The following CDK5RAP2 variants were observed in gnomAD, a reference collection of about 807,000 sequenced individuals.
The protein encoded by CDK5RAP2 is CDK5 regulatory subunit-associated protein 2.
In CDK5RAP2, 147 loss-of-function variants were observed where a neutral mutation model predicts 232.9. The observed-to-expected ratio is 0.63, with a 90% CI of 0.55 to 0.72. CDK5RAP2 has a LOEUF of 0.72. Ranked by LOEUF, CDK5RAP2 falls within the 30% of genes least tolerant of loss-of-function variation. The pLI is 0.00. For missense variants in CDK5RAP2, 2,195 were observed against 2,231.5 expected, an observed-to-expected ratio of 0.98 and a Z score of 0.33; for synonymous variants, 833 against 833.7, an observed-to-expected ratio of 1.00 and a Z score of 0.01.
intron 3 of CDK5RAP2, among the ~76,000 whole-genome samples, chr9:120,553,478 T>A (rs2042118222): frequency 6.6e-6 from 1 of 152,202 alleles, no homozygotes. Flanking sequence ...TCTGCCTTTG[T>A]GGGAAAAAAA....
chr9:120,443,322 G>T (rs1053784091), intron 23 of CDK5RAP2, among the ~76,000 whole-genome samples: 1 of 152,296 alleles, frequency 6.6e-6, no homozygotes, highest in South Asian at 2.1e-4. Flanking sequence ...CTAAGAGCAG[G>T]CTGTGTCTTT....
At position 120,389,172 on chromosome 9, in the gene CDK5RAP2, T is replaced by A. The variant is rs1027057304; in HGVS notation, c.*64A>T. On this transcript the variant is annotated 3_prime_UTR_variant, in exon 38 of 38. Transcript: ENST00000349780. ...TTCCTCAATAAATAGGAACCACACT[T>A]GGAACAAAGAGACAGCGTGAGCTCG... 7.4e-7 allele frequency: 1 copy of A among 1,343,882 alleles called. No homozygotes were observed. The highest frequency in any genetic ancestry group is 1.1e-6 in the Non-Finnish European group (1 of 944,714). The allele number at this position is 1,343,882 out of a possible 1,614,324, so 83.2% of individuals were successfully genotyped here.
At chr9:120,560,458 T>C (rs1564379275) in intron 3 of CDK5RAP2, among the ~76,000 whole-genome samples, 3 of 152,222 alleles carry the variant, frequency 2.0e-5, no homozygotes, top group African/African-American at 4.8e-5. Context: ...CCAGGAATGG[T>C]CTGTGCTGAT....
At chr9:120,424,719 T>TA (rs2034780017) in intron 25 of CDK5RAP2, among the ~76,000 whole-genome samples, 1 of 148,432 alleles carries the variant, frequency 6.7e-6, no homozygotes, top group Non-Finnish European at 1.5e-5. Flanking sequence ...TTTTTTTTTT[T>TA]AATGGAGTCT....
At chr9:120,501,727 C>T (rs904435841) in intron 12 of CDK5RAP2, among the ~76,000 whole-genome samples, 1 of 152,156 alleles carries the variant, frequency 6.6e-6, no homozygotes, top group Admixed American at 6.5e-5. Context: ...GAATCATGGA[C>T]CCTCCAGTCC....
chr9:120,398,058 C>G (rs2032672967), intron 35 of CDK5RAP2, among the ~76,000 whole-genome samples: 1 of 152,344 alleles, frequency 6.6e-6, no homozygotes, highest in Non-Finnish European at 1.5e-5. Context: ...CAACCCATTT[C>G]TCCAAGGGAA....
intron 11 of CDK5RAP2, 85 bp downstream of exon 11, chr9:120,524,901 A>AC: frequency 1.1e-6 from 1 of 933,684 alleles, no homozygotes; most frequent in Middle Eastern, 2.6e-4. Flanking sequence ...TATTAAAATC[A>AC]CCCAAGTTCT....
intron 1 of CDK5RAP2, among the ~76,000 whole-genome samples, chr9:120,579,340 T>C (rs2043155353): frequency 1.3e-5 from 2 of 152,208 alleles, no homozygotes; most frequent in Admixed American, 1.3e-4. Context: ...TGGGTGGATA[T>C]TACTAGCCCA....
At position 120,406,681 on chromosome 9, in the gene CDK5RAP2, G is replaced by C. The variant is rs1334395116; in HGVS notation, c.4963+331C>G. The C allele has an allele frequency of 8.8e-6, 3 of 341,896 alleles. No homozygotes were observed. In the Admixed American group the frequency reaches 1.3e-4, roughly 15 times the overall value. The allele number at this position is 341,896 out of a possible 1,614,324, so 21.2% of individuals were successfully genotyped here. ...ATGTTTAGGTTCCCTTCTAAAGGCA[G>C]TAAGAGAAACTAAAAGAAATTTCAG... On this transcript the variant is annotated intron_variant, in intron 32 of 37. Transcript: ENST00000349780.
In CDK5RAP2 at chr9:120,530,047, C is replaced by G; in HGVS notation, c.756G>C (p.Glu252Asp). ...EEKSQMACPD[E>D]NVSSGELRGL... ...CTCGGAGCTCTCCAGATGACACATT[C>G]TCATCAGGACATGCCATCTGAGATT... The change falls in exon 8 of 38, where the codon GAG (glutamate) becomes GAC (aspartate). Residue 252 changes from glutamate to aspartate, a missense_variant. Physicochemically the swap from Glu to Asp is conservative, Grantham distance 45 (BLOSUM62 2). Coordinates refer to ENST00000349780, the MANE Select transcript of CDK5RAP2 (RefSeq NM_018249.6). 3 of 1,613,628 alleles carry G rather than the reference C, an allele frequency of 1.9e-6. No individual in the cohort carries two copies. Among genetic ancestry groups the G allele is most frequent in the East Asian group, 2.2e-5 (1 of 44,870 alleles).
intron 25 of CDK5RAP2, among the ~76,000 whole-genome samples, chr9:120,428,433 C>A (rs1229322980): frequency 6.6e-6 from 1 of 152,072 alleles, no homozygotes; most frequent in African/African-American, 2.4e-5. Context: ...ATATCACCAC[C>A]GATCCCAAAG....
chr9:120,389,612 G>C (rs1337892193), intron 37 of CDK5RAP2, 129 bp downstream of exon 37: 1 of 894,882 alleles, frequency 1.1e-6, no homozygotes, highest in African/African-American at 1.6e-5. Flanking sequence ...ACTGCTGGCA[G>C]AAACAACTCT....
At chr9:120,517,731 C>T (rs567274023) in intron 12 of CDK5RAP2, 122 of 187,704 alleles carry the variant, frequency 6.5e-4, no homozygotes, top group African/African-American at 2.8e-3. Flanking sequence ...TTAAAATATT[C>T]ATACTCTTTG....
rs999360436 is a variant in CDK5RAP2 at position 120,548,631 on chromosome 9, G to A, written c.306+2161C>T. ...AGACCAGCCTTGGGCAACATAGCAAGACCCCATCTCTACAAAAAGCAAAAA... is the reference window on the plus strand; with the variant it reads ...AGACCAGCCTTGGGCAACATAGCAAAACCCCATCTCTACAAAAAGCAAAAA... On this transcript the variant is annotated intron_variant, in intron 4 of 37. Transcript: ENST00000349780. Among the ~76,000 whole-genome samples the A allele has an allele frequency of 6.6e-5, 10 of 152,102 alleles. No homozygotes were observed. The South Asian group carries it at 1.5e-3, about 22-fold the overall frequency.
At chr9:120,418,896 C>T (rs1334741455) in intron 27 of CDK5RAP2, among the ~76,000 whole-genome samples, 1 of 152,180 alleles carries the variant, frequency 6.6e-6, no homozygotes, top group Non-Finnish European at 1.5e-5. Context: ...TGCATGGGGC[C>T]GCTGTGAAAA....
At chr9:120,445,747 G>A (rs189524487) in intron 22 of CDK5RAP2, among the ~76,000 whole-genome samples, 2 of 152,174 alleles carry the variant, frequency 1.3e-5, no homozygotes, top group Non-Finnish European at 2.9e-5. Context: ...TCAATTCCTG[G>A]ACCTGGTTGC....
chr9:120,414,341 G>A (rs751006318), intron 28 of CDK5RAP2, among the ~76,000 whole-genome samples: 13 of 152,190 alleles, frequency 8.5e-5, no homozygotes, highest in South Asian at 2.1e-4. Context: ...TTCTGAGTGC[G>A]CCAAGCTGCT....
In CDK5RAP2 at chr9:120,448,066, A is replaced by G. The variant is rs201067585; in HGVS notation, c.2854T>C (p.Tyr952His). Reference sequence around the variant, plus strand: ...ACCTCCTGGGTGGCAGGGAGACGATACATATTTCCTAATGACCGGGATGGT... The same window carrying G: ...ACCTCCTGGGTGGCAGGGAGACGATGCATATTTCCTAATGACCGGGATGGT... ...IKPSRSLGNM[Y>H]RLPATQEVVT... Residue 952 changes from tyrosine to histidine, a missense_variant, in exon 22 of 38, where the codon TAT becomes CAT. Tyr to His is a moderately conservative substitution (Grantham distance 83, BLOSUM62 2). Coordinates refer to ENST00000349780, the MANE Select transcript of CDK5RAP2 (RefSeq NM_018249.6). The G allele has an allele frequency of 1.2e-6, 2 of 1,614,170 alleles. No homozygotes were observed. The highest frequency in any genetic ancestry group is 4.5e-5 in the East Asian group (2 of 44,882).
At chr9:120,437,932 C>T (rs1477208423) in intron 24 of CDK5RAP2, among the ~76,000 whole-genome samples, 1 of 152,182 alleles carries the variant, frequency 6.6e-6, no homozygotes, top group Non-Finnish European at 1.5e-5. Flanking sequence ...AGACAGGACT[C>T]TCTCCTCCCG....
Sources: gnomAD v4.1 joint callset for allele counts (sites outside exome capture counted in the v4.1 genomes callset) on GRCh38, gnomAD v4.1.1 for gene constraint, MANE v1.5 for transcripts, NCBI Gene and HGNC (gene_info 2026-07-23, HGNC 2026-07-21) for gene names.